LCLAT1: variants seen among roughly 807,000 people sequenced by gnomAD.
The protein encoded by LCLAT1 is lysocardiolipin acyltransferase 1.
In LCLAT1, 11 loss-of-function variants were observed where a neutral mutation model predicts 30.7. The ratio of observed to expected loss-of-function variants is 0.36; its 90% CI spans 0.23 to 0.59. The LOEUF (loss-of-function observed/expected upper bound fraction) is 0.59. Among genes scored for constraint, LCLAT1 ranks in the 20% least tolerant of loss-of-function variants. The pLI is 0.77. For missense variants in LCLAT1, 402 were observed against 458.6 expected (o/e 0.88, Z 1.13); for synonymous variants, 155 against 151.3 (o/e 1.02, Z -0.18).
At chr2:30,610,734 C>CA (rs983375548) in intron 5 of LCLAT1, among the ~76,000 whole-genome samples, 1 of 152,088 alleles carries the variant, frequency 6.6e-6, no homozygotes, top group Non-Finnish European at 1.5e-5. Context: ...GTTTGGGAAT[C>CA]AATTTTCATT....
chr2:30,612,758 G>A (rs762366885), intron 5 of LCLAT1, among the ~76,000 whole-genome samples: 23 of 152,096 alleles, frequency 1.5e-4, no homozygotes, highest in African/African-American at 2.7e-4. Context: ...CCTTTCTACT[G>A]CAGGCTGTTA....
Position 30,644,026 on chromosome 2 carries a change from T to C in LCLAT1, c.*3407T>C, listed in dbSNP as rs1274291882. 6.6e-6 allele frequency: 1 copy of C among 152,244 alleles called. No individual in the cohort carries two copies. Among genetic ancestry groups the C allele is most frequent in the African/African-American group, 2.4e-5 (1 of 41,456 alleles). The allele number at this position is 152,244 out of a possible 1,614,324, so 9.4% of individuals were successfully genotyped here. On this transcript the variant is annotated 3_prime_UTR_variant, in exon 6 of 6. Coordinates refer to ENST00000379509, the MANE Select transcript of LCLAT1 (RefSeq NM_001002257.3). ...ATTAGATATAGCCCTAAAGTTATCCTGTACCTGCATTAAATTTTCATTTTA... is the reference window on the plus strand; with the variant it reads ...ATTAGATATAGCCCTAAAGTTATCCCGTACCTGCATTAAATTTTCATTTTA...
intron 5 of LCLAT1, among the ~76,000 whole-genome samples, chr2:30,615,186 T>G (rs149407507): frequency 7.9e-5 from 12 of 152,010 alleles, no homozygotes; most frequent in African/African-American, 2.7e-4. Context: ...AATGACTGAT[T>G]AAAGGGGAAT....
intron 1 of LCLAT1, among the ~76,000 whole-genome samples, chr2:30,483,835 T>TA (rs1683435482): frequency 6.6e-6 from 1 of 152,174 alleles, no homozygotes; most frequent in Non-Finnish European, 1.5e-5. Flanking sequence ...ATGGGCAGCA[T>TA]AGTGAATGGG....
intron 2 of LCLAT1, among the ~76,000 whole-genome samples, chr2:30,528,542 T>C (rs144758100): frequency 2.6e-4 from 39 of 152,348 alleles, no homozygotes; most frequent in Middle Eastern, 3.4e-3. Context: ...TTAAACAATA[T>C]ACAAACCAAT....
intron 1 of LCLAT1, among the ~76,000 whole-genome samples, chr2:30,486,702 A>T (rs966208715): frequency 6.6e-6 from 1 of 152,160 alleles, no homozygotes; most frequent in Non-Finnish European, 1.5e-5. Flanking sequence ...AGCCAATGGA[A>T]TGTGAGTGGA....
chr2:30,565,785 G>C (rs1458049722), intron 4 of LCLAT1, among the ~76,000 whole-genome samples: 2 of 152,190 alleles, frequency 1.3e-5, no homozygotes, highest in African/African-American at 4.8e-5. Context: ...GATAAGGAGA[G>C]AGAGAGAGTC....
intron 4 of LCLAT1, among the ~76,000 whole-genome samples, chr2:30,565,302 TCTTC>T (rs1168559540): frequency 6.6e-6 from 1 of 152,174 alleles, no homozygotes; most frequent in African/African-American, 2.4e-5. Flanking sequence ...CAGAATTCTT[TCTTC>T]CTTGTTGGGG....
At chr2:30,525,564 A>G (rs772320559) in intron 1 of LCLAT1, 23 bp from the exon 2 acceptor site, 13 of 1,587,830 alleles carry the variant, frequency 8.2e-6, no homozygotes, top group Middle Eastern at 1.7e-4. Flanking sequence ...GTAACAAAAT[A>G]TATCCTTTTT....
intron 5 of LCLAT1, among the ~76,000 whole-genome samples, chr2:30,621,650 C>T (rs1422542001): frequency 6.6e-6 from 1 of 152,084 alleles, no homozygotes; most frequent in East Asian, 1.9e-4. Flanking sequence ...CCCGAAGGTC[C>T]AGATCTTGTG....
At chr2:30,500,309 C>T (rs943928375) in intron 1 of LCLAT1, among the ~76,000 whole-genome samples, 1 of 152,162 alleles carries the variant, frequency 6.6e-6, no homozygotes, top group African/African-American at 2.4e-5. Flanking sequence ...ACCTCTTCTT[C>T]AGTACTTCAT....
chr2:30,609,276 G>A (rs904479424), intron 5 of LCLAT1, among the ~76,000 whole-genome samples: 5 of 151,746 alleles, frequency 3.3e-5, no homozygotes, highest in Non-Finnish European at 7.4e-5. Context: ...TTTATCTTAC[G>A]ACCTATGCTC....
At chr2:30,492,162 T>C (rs1481948675) in intron 1 of LCLAT1, among the ~76,000 whole-genome samples, 2 of 152,202 alleles carry the variant, frequency 1.3e-5, no homozygotes, top group East Asian at 3.8e-4. Context: ...GTAACAGGTC[T>C]CTGACATGTA....
intron 3 of LCLAT1, 86 bp from the exon 4 acceptor site, chr2:30,562,060 A>G: frequency 2.2e-6 from 2 of 914,638 alleles, no homozygotes; most frequent in South Asian, 4.6e-5. Flanking sequence ...ATATAGTAAA[A>G]CCAGAAAACT....
intron 5 of LCLAT1, among the ~76,000 whole-genome samples, chr2:30,634,979 G>C (rs978911164): frequency 6.6e-6 from 1 of 152,224 alleles, no homozygotes; most frequent in Non-Finnish European, 1.5e-5. Flanking sequence ...AGAAGGTCTT[G>C]ATAGGATATG....
chr2:30,464,522 A>C (rs908577094), intron 1 of LCLAT1, among the ~76,000 whole-genome samples: 3 of 152,220 alleles, frequency 2.0e-5, no homozygotes, highest in African/African-American at 7.2e-5. Context: ...TCTTGCCAAC[A>C]AAAAGACCCC....
At chr2:30,480,874 G>A (rs1321400424) in intron 1 of LCLAT1, among the ~76,000 whole-genome samples, 2 of 152,170 alleles carry the variant, frequency 1.3e-5, no homozygotes, top group African/African-American at 4.8e-5. Context: ...ATTCTAGAGG[G>A]AATGACAGGT....
chr2:30,632,152 T>G (rs558262393), intron 5 of LCLAT1, among the ~76,000 whole-genome samples: 79 of 152,304 alleles, frequency 5.2e-4, no homozygotes, highest in African/African-American at 1.1e-3. Context: ...AAATTGAAAT[T>G]GAATAAGCAA....
At chr2:30,562,084 CAAT>C in intron 3 of LCLAT1, 59 bp from the exon 4 acceptor site, 1 of 1,175,272 alleles carries the variant, frequency 8.5e-7, no homozygotes, top group Non-Finnish European at 1.2e-6. Context: ...ATATTGTATT[CAAT>C]AATATGTGGA....
Sources: gnomAD v4.1 joint callset for allele counts (sites outside exome capture counted in the v4.1 genomes callset) on GRCh38, gnomAD v4.1.1 for gene constraint, MANE v1.5 for transcripts, NCBI Gene and HGNC (gene_info 2026-07-23, HGNC 2026-07-21) for gene names.